The following CLEC1A variants were observed in gnomAD, a reference collection of about 807,000 sequenced individuals.
The protein encoded by CLEC1A is C-type lectin-like receptor-1.
Under a neutral mutation model 28.7 loss-of-function variants are expected in CLEC1A, and 34 were observed. The ratio of observed to expected loss-of-function variants is 1.18; its 90% CI spans 0.90 to 1.57. CLEC1A has a LOEUF of 1.57. CLEC1A is among the 40% of genes most tolerant of loss of function. CLEC1A has a pLI of 0.00. For synonymous variants in CLEC1A, 116 were observed against 121.0 expected (o/e 0.96, Z 0.27); for missense variants, 385 against 339.5 (o/e 1.13, Z -1.05).
intron 2 of CLEC1A, among the ~76,000 whole-genome samples, 190 bp from the exon 3 acceptor site, chr12:10,081,603 TAAG>T (rs1866374006): frequency 3.0e-5 from 4 of 133,852 alleles, no homozygotes; most frequent in Non-Finnish European, 4.9e-5. Flanking sequence ...TTAATTTCTT[TAAG>T]TCTGTCTAAA....
chr12:10,088,108 A>C (rs868735857), intron 2 of CLEC1A, among the ~76,000 whole-genome samples: 65 of 152,254 alleles, frequency 4.3e-4, no homozygotes, highest in Admixed American at 1.6e-3. Context: ...ACAGTTTGCA[A>C]TTAGGATCAT....
Position 10,070,279 on chromosome 12 carries a change from G to A in CLEC1A, c.*1054C>T, listed in dbSNP as rs974390356. The stretch of plus-strand genomic sequence containing the variant: ...TCAAAAGATTTCATTTTAGGAAAAC[G>A]TTAAAACTGTTTTCTTGAAGCCAAC... On this transcript the variant is annotated 3_prime_UTR_variant, in exon 6 of 6. Coordinates refer to ENST00000315330, the MANE Select transcript of CLEC1A (RefSeq NM_016511.4). 2 of 152,170 alleles carry A rather than the reference G, an allele frequency of 1.3e-5. No individual in the cohort carries two copies. The highest frequency in any genetic ancestry group is 6.5e-5 in the Admixed American group (1 of 15,272). 9.4% of individuals were successfully genotyped at this position (152,170 alleles called of 1,614,324 possible). A position where few individuals can be genotyped will look rare whatever the true frequency, so the allele number is the denominator to read the frequency against.
At position 10,098,798 on chromosome 12, in the gene CLEC1A, G is replaced by C. The variant is rs771146754; in HGVS notation, c.115+10C>G. The C allele has an allele frequency of 6.3e-7, 1 of 1,597,260 alleles. No individual in the cohort carries two copies. Among genetic ancestry groups the C allele is most frequent in the Non-Finnish European group, 8.6e-7 (1 of 1,166,674 alleles). On this transcript the variant is annotated intron_variant, in intron 1 of 5. Transcript: ENST00000315330. ...ACTGTGGTCTATTTGGACTCCAGGAGACAGGGTACCTGTGCGCCGGGGCTC... is the reference window on the plus strand; with the variant it reads ...ACTGTGGTCTATTTGGACTCCAGGACACAGGGTACCTGTGCGCCGGGGCTC...
chr12:10,098,793 C>T lies in CLEC1A; in HGVS notation c.115+15G>A, dbSNP rs1565611153. On this transcript the variant is annotated intron_variant, in intron 1 of 5. Coordinates refer to ENST00000315330, the MANE Select transcript of CLEC1A (RefSeq NM_016511.4). Reference sequence around the variant, plus strand: ...CAAGGACTGTGGTCTATTTGGACTCCAGGAGACAGGGTACCTGTGCGCCGG... The same window carrying T: ...CAAGGACTGTGGTCTATTTGGACTCTAGGAGACAGGGTACCTGTGCGCCGG... 1 of 1,585,718 alleles carries T rather than the reference C, an allele frequency of 6.3e-7. No homozygotes were observed. The highest frequency in any genetic ancestry group is 8.6e-7 in the Non-Finnish European group (1 of 1,156,840).
intron 1 of CLEC1A, among the ~76,000 whole-genome samples, chr12:10,094,027 G>A (rs1947744796): frequency 6.6e-6 from 1 of 152,030 alleles, no homozygotes. Flanking sequence ...TTTGAAAAGA[G>A]TATACATCTA....
intron 3 of CLEC1A, among the ~76,000 whole-genome samples, chr12:10,077,202 G>A (rs1866268999): frequency 6.6e-6 from 1 of 152,140 alleles, no homozygotes; most frequent in African/African-American, 2.4e-5. Flanking sequence ...CAGAGATAGA[G>A]AAACTTCTTT....
Position 10,095,050 on chromosome 12 carries a change from G to C in CLEC1A, c.115+3758C>G, listed in dbSNP as rs1947758717. ...GACATTTACTACAACTATTGATTTA[G>C]AGTATTCCTTCCACTTCTCTAAGCA... On this transcript the variant is annotated intron_variant, in intron 1 of 5. Transcript: ENST00000315330. Among the ~76,000 whole-genome samples, 3 of 152,102 alleles carry C rather than the reference G, an allele frequency of 2.0e-5. No individual in the cohort carries two copies. The South Asian group carries it at 6.2e-4, about 31-fold the overall frequency.
intron 4 of CLEC1A, among the ~76,000 whole-genome samples, chr12:10,073,851 A>G (rs1866192337): frequency 6.6e-6 from 1 of 152,222 alleles, no homozygotes; most frequent in South Asian, 2.1e-4. Flanking sequence ...AAGTAAAAGA[A>G]AAATTTGCAA....
At chr12:10,097,778 T>C (rs1947796910) in intron 1 of CLEC1A, among the ~76,000 whole-genome samples, 1 of 152,160 alleles carries the variant, frequency 6.6e-6, no homozygotes, top group Non-Finnish European at 1.5e-5. Flanking sequence ...TAAGTTTTTT[T>C]GGAGGAAAAC....
chr12:10,072,634 ATCTCTC>A (rs58355839), intron 5 of CLEC1A, among the ~76,000 whole-genome samples: 19 of 148,178 alleles, frequency 1.3e-4, no homozygotes, highest in Non-Finnish European at 2.2e-4. Context: ...TCAGGGAAAG[ATCTCTC>A]TCTCTCTCTC....
At chr12:10,086,603 C>T (rs1027180917) in intron 2 of CLEC1A, among the ~76,000 whole-genome samples, 1 of 151,868 alleles carries the variant, frequency 6.6e-6, no homozygotes, top group Non-Finnish European at 1.5e-5. Flanking sequence ...CTAGATTAAA[C>T]CAGGAATAAA....
chr12:10,078,174 T>C (rs1866294166), intron 3 of CLEC1A, among the ~76,000 whole-genome samples: 1 of 152,202 alleles, frequency 6.6e-6, no homozygotes, highest in Non-Finnish European at 1.5e-5. Context: ...GAATGTAGAT[T>C]AAGCCTTTAA....
At chr12:10,085,824 A>G (rs1329512931) in intron 2 of CLEC1A, among the ~76,000 whole-genome samples, 1 of 152,216 alleles carries the variant, frequency 6.6e-6, no homozygotes, top group Non-Finnish European at 1.5e-5. Context: ...ACTATATCCT[A>G]GGACAAATTG....
intron 2 of CLEC1A, among the ~76,000 whole-genome samples, chr12:10,083,491 CAG>C (rs1282207334): frequency 1.3e-5 from 2 of 152,184 alleles, no homozygotes; most frequent in Admixed American, 1.3e-4. Flanking sequence ...CTTTTTGAGA[CAG>C]AATCTCACTC....
chr12:10,096,103 A>G (rs2137376644), intron 1 of CLEC1A, among the ~76,000 whole-genome samples: 1 of 152,254 alleles, frequency 6.6e-6, no homozygotes. Flanking sequence ...TTACTATGCC[A>G]GTAATTCCCA....
intron 2 of CLEC1A, among the ~76,000 whole-genome samples, chr12:10,081,908 C>T (rs1027627784): frequency 1.3e-5 from 2 of 152,022 alleles, no homozygotes; most frequent in Non-Finnish European, 2.9e-5. Context: ...TTTAACCTCA[C>T]CTGGAGCAGA....
intron 2 of CLEC1A, 124 bp downstream of exon 2, chr12:10,089,000 A>T: frequency 8.0e-6 from 6 of 746,800 alleles, no homozygotes; most frequent in Non-Finnish European, 1.4e-5. Flanking sequence ...ATTTAAAAAA[A>T]GATACACTGA....
At chr12:10,090,374 C>T (rs1030766561) in intron 1 of CLEC1A, among the ~76,000 whole-genome samples, 1 of 152,190 alleles carries the variant, frequency 6.6e-6, no homozygotes, top group African/African-American at 2.4e-5. Context: ...ACCTCAGCTC[C>T]TGAGGAGCCG....
chr12:10,083,206 G>C (rs1182863319), intron 2 of CLEC1A, among the ~76,000 whole-genome samples: 2 of 152,182 alleles, frequency 1.3e-5, no homozygotes, highest in Non-Finnish European at 2.9e-5. Flanking sequence ...GAAAGAATCT[G>C]AACAGCAGCC....
Sources: allele counts gnomAD v4.1 joint callset (sites outside exome capture counted in the v4.1 genomes callset), GRCh38; gene constraint gnomAD v4.1.1; transcripts MANE v1.5; gene names NCBI Gene and HGNC (gene_info 2026-07-23, HGNC 2026-07-21).